The following PYGB variants were observed in gnomAD, a reference collection of about 807,000 sequenced individuals.
The protein encoded by PYGB is glycogen phosphorylase B.
Under a neutral mutation model 94.3 loss-of-function variants are expected in PYGB, and 82 were observed. The ratio of observed to expected loss-of-function variants is 0.87; its 90% CI spans 0.73 to 1.04. The LOEUF (loss-of-function observed/expected upper bound fraction) is 1.04, where lower values mean the gene tolerates loss of function less well. Among genes scored for constraint, PYGB ranks in the 50% least tolerant of loss-of-function variants. The pLI is 0.00. For synonymous variants in PYGB, 488 were observed against 479.1 expected (o/e 1.02, Z -0.24); for missense variants, 1,132 against 1,158.2 (o/e 0.98, Z 0.33).
chr20:25,263,025 T>A (rs1349540899), intron 2 of PYGB, among the ~76,000 whole-genome samples: 2 of 152,148 alleles, frequency 1.3e-5, no homozygotes, highest in Non-Finnish European at 2.9e-5. Flanking sequence ...TGGGAGACTT[T>A]AACACCCCAC....
chr20:25,284,078 G>A (rs754921701), intron 13 of PYGB, 26 bp from the exon 14 acceptor site: 2 of 1,610,946 alleles, frequency 1.2e-6, no homozygotes, highest in Admixed American at 3.3e-5. Flanking sequence ...GAAGTCTCCA[G>A]CCATCTTTCC....
chr20:25,284,336 C>CT, intron 14 of PYGB, 85 bp downstream of exon 14: 1 of 1,522,382 alleles, frequency 6.6e-7, no homozygotes, highest in Non-Finnish European at 8.9e-7. Context: ...CCCTGGGCCT[C>CT]TGTCATGGTG....
chr20:25,283,888 T>C (rs1322037721), intron 13 of PYGB, among the ~76,000 whole-genome samples: 1 of 152,012 alleles, frequency 6.6e-6, no homozygotes, highest in African/African-American at 2.4e-5. Flanking sequence ...TCCTCACTTA[T>C]CCCCTACTCT....
chr20:25,261,693 G>A (rs1173530559), intron 2 of PYGB, among the ~76,000 whole-genome samples: 2 of 152,172 alleles, frequency 1.3e-5, no homozygotes, highest in Non-Finnish European at 2.9e-5. Context: ...AGCTAAAGGA[G>A]GATGATCGAA....
At chr20:25,290,392 ACCCC>A in intron 15 of PYGB, 85 bp from the exon 16 acceptor site, 1 of 1,504,748 alleles carries the variant, frequency 6.6e-7, no homozygotes, top group Non-Finnish European at 9.1e-7. Context: ...CTCTAGCCTC[ACCCC>A]CCTACAGACC....
intron 14 of PYGB, chr20:25,284,948 T>C (rs2088404416): frequency 6.6e-6 from 1 of 152,230 alleles, no homozygotes; most frequent in Non-Finnish European, 1.5e-5. Context: ...TAATAGATAA[T>C]GAAACCTTAA....
intron 2 of PYGB, 25 bp from the exon 3 acceptor site, chr20:25,269,104 A>C: frequency 6.6e-7 from 1 of 1,524,156 alleles, no homozygotes. Context: ...TAACATTAAA[A>C]TGCTGCCTGT....
At chr20:25,256,112 T>C (rs2092901984) in intron 1 of PYGB, among the ~76,000 whole-genome samples, 1 of 152,182 alleles carries the variant, frequency 6.6e-6, no homozygotes, top group African/African-American at 2.4e-5. Flanking sequence ...TAACGTTAAA[T>C]GAAGACTCTA....
Position 25,278,419 on chromosome 20 carries a change from G to A in PYGB, c.956G>A (p.Cys319Tyr). 4 of 1,614,242 alleles carry A rather than the reference G, an allele frequency of 2.5e-6. No homozygotes were observed. Among genetic ancestry groups the A allele is most frequent in the Non-Finnish European group, 2.5e-6 (3 of 1,180,046 alleles). ...IRRFKSSKFG[C>Y]RDPVRTCFET... is the part of the protein sequence containing the mutation. ...CGCTTCAAGTCGTCCAAGTTCGGCT[G>A]CCGGGACCCTGTGAGAACCTGTTTC... Residue 319 changes from cysteine (C) to tyrosine (Y), a missense_variant, in exon 8 of 20, where the codon TGC becomes TAC. Cys to Tyr is a radical substitution (Grantham distance 194). Transcript: ENST00000216962.
intron 2 of PYGB, among the ~76,000 whole-genome samples, chr20:25,259,936 A>G (rs939624702): frequency 4.6e-5 from 7 of 151,934 alleles, no homozygotes; most frequent in African/African-American, 7.3e-5. Flanking sequence ...ATAACCTTTT[A>G]CCTGCGCATA....
At chr20:25,283,971 C>G (rs1478410559) in intron 13 of PYGB, 133 bp from the exon 14 acceptor site, 1 of 1,081,034 alleles carries the variant, frequency 9.3e-7, no homozygotes, top group Non-Finnish European at 1.3e-6. Flanking sequence ...ATCTCTGCCC[C>G]TCAGCTCCAG....
rs1185498235 is a variant in PYGB, at chr20:25,248,257, G to C, written c.79G>C (p.Glu27Gln). 1.3e-6 allele frequency: 2 copies of C among 1,599,488 alleles called. No individual in the cohort carries two copies. Among genetic ancestry groups the C allele is most frequent in the South Asian group, 1.1e-5 (1 of 89,122 alleles). The stretch of plus-strand genomic sequence containing the variant: ...CCTGGCGGGGCTAGGCGACGTGGCC[G>C]AGGTGCGGAAGAGCTTCAACCGGCA... ...RGLAGLGDVA[E>Q]VRKSFNRHLH... Residue 27 changes from glutamate (E) to glutamine (Q), a missense_variant, in exon 1 of 20, where the codon GAG becomes CAG. Coordinates refer to ENST00000216962, the MANE Select transcript of PYGB (RefSeq NM_002862.4).
At position 25,276,761 on chromosome 20, in the gene PYGB, C is replaced by A. The variant is rs200633965; in HGVS notation, c.772+4C>A. 2 of 1,612,262 alleles carry A rather than the reference C, an allele frequency of 1.2e-6. No individual in the cohort carries two copies. The highest frequency in any genetic ancestry group is 1.1e-5 in the South Asian group (1 of 91,036). ...AACGACTTCAAGCTGCAGGACTGTA[C>A]GTTCCGTGGTTCTTGGCACCCTTGT... On this transcript the variant is annotated splice_donor_region_variant and intron_variant, in intron 6 of 19. Coordinates refer to ENST00000216962, the MANE Select transcript of PYGB (RefSeq NM_002862.4).
At chr20:25,292,353 C>T (rs1392092722) in intron 16 of PYGB, 53 bp from the exon 17 acceptor site, 5 of 1,583,108 alleles carry the variant, frequency 3.2e-6, no homozygotes, top group Non-Finnish European at 4.3e-6. Context: ...AGCCTTGCGG[C>T]TGAGGACATT....
intron 17 of PYGB, 67 bp downstream of exon 17, chr20:25,292,680 G>T (rs2088480230): frequency 5.2e-6 from 8 of 1,534,460 alleles, no homozygotes; most frequent in Non-Finnish European, 7.0e-6. Context: ...TGGGCTGGGG[G>T]CATTGGCTGG....
chr20:25,268,157 A>ACCCCCCCCCCC (rs375575044), intron 2 of PYGB, among the ~76,000 whole-genome samples: 13 of 28,322 alleles, frequency 4.6e-4, no homozygotes, highest in African/African-American at 1.3e-3. Flanking sequence ...AAATCCTAGC[A>ACCCCCCCCCCC]CCCGCCCCCC....
intron 16 of PYGB, among the ~76,000 whole-genome samples, 191 bp from the exon 17 acceptor site, chr20:25,292,215 C>T (rs954157424): frequency 1.3e-5 from 2 of 152,166 alleles, no homozygotes; most frequent in African/African-American, 4.8e-5. Flanking sequence ...AAGGGGAGCC[C>T]TGCAGAGGCG....
chr20:25,255,925 G>A (rs951355283), intron 1 of PYGB, among the ~76,000 whole-genome samples: 2 of 152,090 alleles, frequency 1.3e-5, no homozygotes, highest in African/African-American at 4.8e-5. Flanking sequence ...TAGAGACGGG[G>A]TTTCATCATG....
intron 5 of PYGB, 32 bp downstream of exon 5, chr20:25,274,755 T>C (rs778459419): frequency 1.2e-6 from 2 of 1,602,812 alleles, no homozygotes; most frequent in Non-Finnish European, 1.7e-6. Context: ...CGGGCAAGGC[T>C]GGAGCCAGGT....
Sources: gnomAD v4.1 joint callset for allele counts (sites outside exome capture counted in the v4.1 genomes callset) on GRCh38, gnomAD v4.1.1 for gene constraint, MANE v1.5 for transcripts, NCBI Gene and HGNC (gene_info 2026-07-23, HGNC 2026-07-21) for gene names.